PBX1: variants seen among roughly 807,000 people sequenced by gnomAD.
PBX1 encodes the protein pre-B-cell leukemia transcription factor 1.
Under a neutral mutation model 53.4 loss-of-function variants are expected in PBX1, and 6 were observed. That is an observed-to-expected ratio of 0.11 (90% CI 0.06 to 0.22). The LOEUF (loss-of-function observed/expected upper bound fraction) is 0.22. Ranked by LOEUF, PBX1 falls within the 10% of genes least tolerant of loss-of-function variation. The probability of loss-of-function intolerance (pLI) is 1.00; values close to 1 mark genes in which losing one functional copy is unlikely to be tolerated. For synonymous variants in PBX1, 204 were observed against 212.3 expected, an observed-to-expected ratio of 0.96 and a Z score of 0.34; for missense variants, 251 against 551.4, an observed-to-expected ratio of 0.46 and a Z score of 5.46.
At chr1:164,844,281 C>T (rs1051242419) in intron 8 of PBX1, among the ~76,000 whole-genome samples, 1 of 151,954 alleles carries the variant, frequency 6.6e-6, no homozygotes, top group African/African-American at 2.4e-5. Flanking sequence ...TTTCTTATCT[C>T]GGGAACCTGC....
At chr1:164,715,412 G>A (rs1237972511) in intron 2 of PBX1, among the ~76,000 whole-genome samples, 1 of 152,176 alleles carries the variant, frequency 6.6e-6, no homozygotes, top group Non-Finnish European at 1.5e-5. Context: ...CGAAGGCCTA[G>A]TGATCTTGAG....
intron 2 of PBX1, among the ~76,000 whole-genome samples, chr1:164,709,614 T>C (rs1663638639): frequency 1.3e-5 from 2 of 151,818 alleles, no homozygotes; most frequent in African/African-American, 4.8e-5. Context: ...ATTTCTTGCA[T>C]AGGTCTGCTG....
At chr1:164,680,561 G>C (rs1661700977) in intron 2 of PBX1, 1 of 152,142 alleles carries the variant, frequency 6.6e-6, no homozygotes, top group African/African-American at 2.4e-5. Context: ...TCTGAATATT[G>C]TCTAAGTACT....
chr1:164,837,198 A>G (rs1199298502), intron 8 of PBX1, among the ~76,000 whole-genome samples: 1 of 152,202 alleles, frequency 6.6e-6, no homozygotes. Context: ...TAAGATGTGT[A>G]TACAATCTCT....
At chr1:164,677,371 C>T (rs1661495084) in intron 2 of PBX1, among the ~76,000 whole-genome samples, 4 of 151,828 alleles carry the variant, frequency 2.6e-5, no homozygotes, top group Non-Finnish European at 4.4e-5. Flanking sequence ...GGATTACAGG[C>T]GTGAGCCACC....
intron 2 of PBX1, among the ~76,000 whole-genome samples, chr1:164,643,024 C>G (rs1475853633): frequency 6.6e-6 from 1 of 152,126 alleles, no homozygotes; most frequent in Non-Finnish European, 1.5e-5. Flanking sequence ...CACTGGGAGC[C>G]TCCTGGGCAT....
chr1:164,667,876 T>C (rs986556826), intron 2 of PBX1, among the ~76,000 whole-genome samples: 2 of 152,154 alleles, frequency 1.3e-5, no homozygotes, highest in African/African-American at 4.8e-5. Flanking sequence ...ACTTCCTGTA[T>C]TGTTGTTTCC....
chr1:164,622,975 C>T (rs1282328822), intron 2 of PBX1, among the ~76,000 whole-genome samples: 2 of 151,922 alleles, frequency 1.3e-5, no homozygotes, highest in Non-Finnish European at 2.9e-5. Flanking sequence ...CCACTACACC[C>T]GGCTAATTTT....
At chr1:164,669,657 T>C (rs547774538) in intron 2 of PBX1, among the ~76,000 whole-genome samples, 1 of 152,304 alleles carries the variant, frequency 6.6e-6, no homozygotes, top group African/African-American at 2.4e-5. Context: ...TTCCCTTTCC[T>C]GGGTTCATGC....
chr1:164,620,689 C>CT (rs71097542), intron 2 of PBX1, among the ~76,000 whole-genome samples: 112 of 149,408 alleles, frequency 7.5e-4, no homozygotes, highest in Non-Finnish European at 9.1e-4. Flanking sequence ...CTTTTCTTTT[C>CT]TTTTTTTTTT....
At chr1:164,598,143 C>T (rs1655893461) in intron 2 of PBX1, among the ~76,000 whole-genome samples, 1 of 152,136 alleles carries the variant, frequency 6.6e-6, no homozygotes, top group Non-Finnish European at 1.5e-5. Context: ...AACAAACCCA[C>T]TCCTAGGATA....
chr1:164,632,372 C>G (rs923756589), intron 2 of PBX1, among the ~76,000 whole-genome samples: 1 of 152,058 alleles, frequency 6.6e-6, no homozygotes, highest in Non-Finnish European at 1.5e-5. Flanking sequence ...GAATTAAAGT[C>G]GCAGATATTT....
chr1:164,614,783 CTTT>C (rs927056632), intron 2 of PBX1, among the ~76,000 whole-genome samples: 19 of 152,004 alleles, frequency 1.2e-4, no homozygotes, highest in African/African-American at 4.6e-4. Context: ...TTCTTTTTTT[CTTT>C]TTTTGAGTTG....
At chr1:164,632,178 C>T (rs929532861) in intron 2 of PBX1, among the ~76,000 whole-genome samples, 1 of 152,198 alleles carries the variant, frequency 6.6e-6, no homozygotes, top group African/African-American at 2.4e-5. Context: ...TAATACCCTT[C>T]TGCCCTGAAA....
intron 2 of PBX1, among the ~76,000 whole-genome samples, chr1:164,587,229 A>T (rs144629606): frequency 2.7e-4 from 41 of 152,254 alleles, no homozygotes; most frequent in African/African-American, 5.1e-4. Context: ...TATGGGTGTG[A>T]TTTTGGTAAT....
At chr1:164,578,204 C>T (rs1654387538) in intron 2 of PBX1, among the ~76,000 whole-genome samples, 1 of 152,122 alleles carries the variant, frequency 6.6e-6, no homozygotes, top group South Asian at 2.1e-4. Context: ...ATCTTCTTAC[C>T]TATAATGTCA....
At chr1:164,638,390 A>C (rs1295707455) in intron 2 of PBX1, among the ~76,000 whole-genome samples, 2 of 152,256 alleles carry the variant, frequency 1.3e-5, no homozygotes, top group Non-Finnish European at 2.9e-5. Context: ...AGGGCTGAGC[A>C]GGGATTCTTA....
At chr1:164,792,846 G>A in intron 3 of PBX1, 108 bp downstream of exon 3, 3 of 825,378 alleles carry the variant, frequency 3.6e-6, no homozygotes, top group South Asian at 1.9e-5. Context: ...CCAGGTGCTG[G>A]CATCCCTGTG....
chr1:164,674,407 G>A (rs984887032), intron 2 of PBX1: 1 of 152,074 alleles, frequency 6.6e-6, no homozygotes, highest in African/African-American at 2.4e-5. Context: ...ACTTTTCTTG[G>A]CTTGGCCAAA....
Sources: allele counts gnomAD v4.1 joint callset (sites outside exome capture counted in the v4.1 genomes callset), GRCh38; gene constraint gnomAD v4.1.1; transcripts MANE v1.5; gene names NCBI Gene and HGNC (gene_info 2026-07-23, HGNC 2026-07-21).